GPATCH8: variants seen among roughly 807,000 people sequenced by gnomAD.
The protein encoded by GPATCH8 is G-patch domain containing 8.
Under a neutral mutation model 118.3 loss-of-function variants are expected in GPATCH8, and 18 were observed. That is an observed-to-expected ratio of 0.15 (90% CI 0.11 to 0.23). The LOEUF (loss-of-function observed/expected upper bound fraction) is 0.23, where lower values mean the gene tolerates loss of function less well. Among genes scored for constraint, GPATCH8 ranks in the 10% least tolerant of loss-of-function variants. GPATCH8 has a pLI of 1.00. For synonymous variants in GPATCH8, 659 were observed against 684.7 expected, an observed-to-expected ratio of 0.96 and a Z score of 0.59; for missense variants, 1,631 against 1,873.8, an observed-to-expected ratio of 0.87 and a Z score of 2.39.
chr17:44,400,054 G>T lies in GPATCH8; in HGVS notation c.2023C>A (p.His675Asn). The change falls in exon 8 of 8, where the codon CAC becomes AAC. Residue 675 changes from histidine (H) to asparagine (N), a missense_variant. This residue lies in a region of GPATCH8 where 922 missense variants were observed against 879.7 expected (regional missense o/e 1.05). Transcript: ENST00000591680. Reference protein sequence around the residue: ...KKERSGKSHRHKKKKKHKKSS... With the variant: ...KKERSGKSHRNKKKKKHKKSS... ...TTTTTGTGCTTCTTTTTCTTTTTGT[G>T]CCGGTGGGACTTCCCAGATCGTTCT... The T allele has an allele frequency of 6.2e-7, 1 of 1,613,450 alleles. No homozygotes were observed. The highest frequency in any genetic ancestry group is 8.5e-7 in the Non-Finnish European group (1 of 1,179,884).
intron 5 of GPATCH8, among the ~76,000 whole-genome samples, chr17:44,428,415 T>C (rs1325042289): frequency 6.6e-6 from 1 of 151,476 alleles, no homozygotes; most frequent in Non-Finnish European, 1.5e-5. Flanking sequence ...ATCACTTGAA[T>C]CTGGGTGGTG....
chr17:44,465,360 G>A (rs1052177286), intron 2 of GPATCH8: 3 of 151,878 alleles, frequency 2.0e-5, no homozygotes, highest in Admixed American at 6.6e-5. Context: ...ATCTTCCCAG[G>A]AGCACATTCG....
intron 6 of GPATCH8, among the ~76,000 whole-genome samples, chr17:44,410,948 T>TAA (rs1481512770): frequency 6.6e-6 from 1 of 152,154 alleles, no homozygotes; most frequent in East Asian, 1.9e-4. Flanking sequence ...AAACATAACT[T>TAA]AAACAGCATT....
At chr17:44,413,455 A>G (rs777454645) in intron 6 of GPATCH8, among the ~76,000 whole-genome samples, 1 of 151,938 alleles carries the variant, frequency 6.6e-6, no homozygotes, top group Non-Finnish European at 1.5e-5. Context: ...TGTTGGGATT[A>G]CAGGCATGAG....
At chr17:44,440,886 C>A (rs1361213669) in intron 3 of GPATCH8, among the ~76,000 whole-genome samples, 1 of 151,974 alleles carries the variant, frequency 6.6e-6, no homozygotes. Context: ...CGTCTCACTC[C>A]GTCACCCAGG....
chr17:44,407,688 A>C, intron 6 of GPATCH8, among the ~76,000 whole-genome samples: 1 of 144,264 alleles, frequency 6.9e-6, no homozygotes, highest in Admixed American at 7.1e-5. Flanking sequence ...ATGGAGTCTC[A>C]CTCTGTTGCC....
At chr17:44,486,452 A>G (rs1367288381) in intron 1 of GPATCH8, 1 of 152,222 alleles carries the variant, frequency 6.6e-6, no homozygotes, top group Non-Finnish European at 1.5e-5. Context: ...GAGACATTTT[A>G]TTAGACTGAG....
intron 3 of GPATCH8, among the ~76,000 whole-genome samples, chr17:44,436,997 A>G (rs781324973): frequency 6.6e-6 from 1 of 152,218 alleles, no homozygotes; most frequent in Non-Finnish European, 1.5e-5. Context: ...ACATTTTTAA[A>G]CATGATGCAG....
chr17:44,412,278 T>C (rs778600966), intron 6 of GPATCH8, among the ~76,000 whole-genome samples: 79 of 152,126 alleles, frequency 5.2e-4, no homozygotes, highest in Non-Finnish European at 8.8e-4. Flanking sequence ...TAATCCCAGC[T>C]ATATGGGAGG....
intron 1 of GPATCH8, among the ~76,000 whole-genome samples, chr17:44,494,603 A>G (rs75392679): frequency 0.012 from 1,856 of 152,204 alleles, 33 homozygotes; most frequent in African/African-American, 0.037. Flanking sequence ...AAAATAAAAG[A>G]AAGAAATCAC....
chr17:44,428,910 G>C (rs578137138), intron 5 of GPATCH8, among the ~76,000 whole-genome samples: 364 of 152,162 alleles, frequency 2.4e-3, no homozygotes, highest in African/African-American at 8.6e-3. Context: ...GGGAGGCCGA[G>C]GTGGGCGGTT....
intron 1 of GPATCH8, among the ~76,000 whole-genome samples, chr17:44,485,583 C>T (rs1416833848): frequency 2.6e-5 from 4 of 152,138 alleles, no homozygotes; most frequent in East Asian, 1.9e-4. Flanking sequence ...TGAGCCATCC[C>T]GCCCAGCCTC....
At chr17:44,403,973 C>T (rs1037942097) in intron 7 of GPATCH8, among the ~76,000 whole-genome samples, 9 of 151,744 alleles carry the variant, frequency 5.9e-5, no homozygotes, top group Admixed American at 3.3e-4. Flanking sequence ...GGATTACAGG[C>T]GTGAGCCACC....
intron 1 of GPATCH8, among the ~76,000 whole-genome samples, chr17:44,489,814 C>T (rs1217307824): frequency 6.6e-6 from 1 of 152,294 alleles, no homozygotes; most frequent in South Asian, 2.1e-4. Flanking sequence ...AAAATTGAGT[C>T]ATTCTGACAA....
chr17:44,437,961 A>C (rs1033841223), intron 3 of GPATCH8, among the ~76,000 whole-genome samples: 8 of 42,176 alleles, frequency 1.9e-4, no homozygotes, highest in African/African-American at 3.7e-4. Context: ...AAAAAAAAAC[A>C]AAACAACAAC....
At position 44,398,983 on chromosome 17, in the gene GPATCH8, G is replaced by T. The variant is rs201081173; in HGVS notation, c.3094C>A (p.Arg1032Ser). Reference protein sequence around the residue: ...RRDFIRSKIYRSQSPHYFRSG... With the variant: ...RRDFIRSKIYSSQSPHYFRSG... ...CGGAAATAGTGGGGGGACTGGGAGC[G>T]GTAGATCTTAGAACGAATGAAGTCC... The change falls in exon 8 of 8, where the codon CGC becomes AGC. Residue 1032 changes from arginine (R) to serine (S), a missense_variant. By Grantham distance (110) the Arg-to-Ser change is moderately radical. This residue lies in a region of GPATCH8 where 922 missense variants were observed against 879.7 expected (regional missense o/e 1.05). Transcript: ENST00000591680. The T allele has an allele frequency of 6.2e-7, 1 of 1,614,008 alleles. No homozygotes were observed. Among genetic ancestry groups the T allele is most frequent in the Admixed American group, 1.7e-5 (1 of 60,008 alleles).
At chr17:44,423,405 AG>A (rs1239737081) in intron 6 of GPATCH8, among the ~76,000 whole-genome samples, 1 of 152,204 alleles carries the variant, frequency 6.6e-6, no homozygotes, top group Non-Finnish European at 1.5e-5. Flanking sequence ...TTCCAGTTCT[AG>A]TAAGAATAAA....
rs2048795696 is a variant in GPATCH8, at chr17:44,396,824, A to G, written c.*744T>C. The G allele has an allele frequency of 2.2e-6, 1 of 454,380 alleles. No homozygotes were observed. The highest frequency in any genetic ancestry group is 4.4e-6 in the Non-Finnish European group (1 of 226,798). 28.1% of individuals were successfully genotyped at this position (454,380 alleles called of 1,614,324 possible). On this transcript the variant is annotated 3_prime_UTR_variant, in exon 8 of 8. Coordinates refer to ENST00000591680, the MANE Select transcript of GPATCH8 (RefSeq NM_001002909.4). The stretch of plus-strand genomic sequence containing the variant: ...AAGGAAACATCAACACAACAGAAGA[A>G]AATATACCCTTCACTTTAGACACAT...
At chr17:44,491,822 G>GC (rs1272658873) in intron 1 of GPATCH8, among the ~76,000 whole-genome samples, 1 of 151,858 alleles carries the variant, frequency 6.6e-6, no homozygotes, top group Non-Finnish European at 1.5e-5. Context: ...AATTTCCTGG[G>GC]CAAATTTCCA....
Sources: allele counts gnomAD v4.1 joint callset (sites outside exome capture counted in the v4.1 genomes callset), GRCh38; gene constraint gnomAD v4.1.1; regional missense constraint gnomAD v4.1.1; transcripts MANE v1.5; gene names NCBI Gene and HGNC (gene_info 2026-07-23, HGNC 2026-07-21).